PRKG1: variants seen among roughly 807,000 people sequenced by gnomAD.
The protein encoded by PRKG1 is protein kinase cGMP-dependent 1, also known as cGMP-dependent protein kinase 1.
Under a neutral mutation model 88.1 loss-of-function variants are expected in PRKG1, and 35 were observed. That is an observed-to-expected ratio of 0.40 (90% CI 0.30 to 0.53). The LOEUF (loss-of-function observed/expected upper bound fraction) is 0.53. Ranked by LOEUF, PRKG1 falls within the 20% of genes least tolerant of loss-of-function variation. The pLI, the probability that PRKG1 is intolerant of heterozygous loss-of-function variation, is 0.59. For synonymous variants in PRKG1, 303 were observed against 292.5 expected, an observed-to-expected ratio of 1.04 and a Z score of -0.37; for missense variants, 540 against 839.8, an observed-to-expected ratio of 0.64 and a Z score of 4.41.
intron 5 of PRKG1, among the ~76,000 whole-genome samples, chr10:52,004,200 T>A (rs1292093365): frequency 6.6e-6 from 1 of 152,214 alleles, no homozygotes; most frequent in Non-Finnish European, 1.5e-5. Flanking sequence ...TTTTTGGCTG[T>A]AAACTCCGGG....
intron 5 of PRKG1, among the ~76,000 whole-genome samples, chr10:51,935,855 C>T (rs915577143): frequency 4.6e-5 from 7 of 152,048 alleles, no homozygotes; most frequent in African/African-American, 1.7e-4. Flanking sequence ...CTAAACTTTC[C>T]TGAAGTTACT....
At chr10:52,148,481 A>C (rs1274179954) in intron 8 of PRKG1, among the ~76,000 whole-genome samples, 1 of 152,242 alleles carries the variant, frequency 6.6e-6, no homozygotes, top group African/African-American at 2.4e-5. Flanking sequence ...TATCTTAAAC[A>C]AGAAATATTT....
At position 51,120,935 on chromosome 10, in the gene PRKG1, A is replaced by G. The variant is rs1340549669; in HGVS notation, c.312-32229A>G. ...CTAATGAGGGTCTCACTAGGCTACAATTAAGATGTCAGTGGGGCTGTTGTT... is the reference window on the plus strand; with the variant it reads ...CTAATGAGGGTCTCACTAGGCTACAGTTAAGATGTCAGTGGGGCTGTTGTT... On this transcript the variant is annotated intron_variant, in intron 1 of 17. Coordinates refer to ENST00000373980, the MANE Select transcript of PRKG1 (RefSeq NM_006258.4). Among the ~76,000 whole-genome samples, 3 of 152,280 alleles carry G rather than the reference A, an allele frequency of 2.0e-5. No homozygotes were observed. The South Asian group carries it at 6.2e-4, about 32-fold the overall frequency.
chr10:52,146,486 G>T (rs566381223), intron 8 of PRKG1, among the ~76,000 whole-genome samples: 5 of 152,178 alleles, frequency 3.3e-5, no homozygotes, highest in Middle Eastern at 6.8e-3. Context: ...AACTTGCAAG[G>T]AATTCTTTTT....
At chr10:52,172,790 C>A (rs1165272898) in intron 9 of PRKG1, among the ~76,000 whole-genome samples, 1 of 152,098 alleles carries the variant, frequency 6.6e-6, no homozygotes, top group African/African-American at 2.4e-5. Context: ...CTGAAGGGCT[C>A]CCCCTGAGGA....
At chr10:51,807,953 GT>G (rs141410412) in intron 4 of PRKG1, among the ~76,000 whole-genome samples, 1 of 152,192 alleles carries the variant, frequency 6.6e-6, no homozygotes, top group African/African-American at 2.4e-5. Flanking sequence ...TCCCTTCAGG[GT>G]GTGTTTTTCT....
chr10:52,072,771 T>C (rs1245671588), intron 7 of PRKG1, among the ~76,000 whole-genome samples: 1 of 152,208 alleles, frequency 6.6e-6, no homozygotes, highest in Non-Finnish European at 1.5e-5. Flanking sequence ...ACCACCCTCA[T>C]GCCACTGTTC....
intron 5 of PRKG1, among the ~76,000 whole-genome samples, chr10:52,019,688 A>G (rs182518024): frequency 7.7e-4 from 117 of 152,314 alleles, no homozygotes; most frequent in Middle Eastern, 3.4e-3. Context: ...TATTTGGGAG[A>G]AAGAATAGGA....
intron 9 of PRKG1, among the ~76,000 whole-genome samples, chr10:52,179,197 G>A (rs1164449897): frequency 6.6e-6 from 1 of 151,696 alleles, no homozygotes; most frequent in African/African-American, 2.4e-5. Flanking sequence ...TTATAGTGTT[G>A]CATGTTTTCA....
chr10:52,268,777 G>C (rs1035094862), intron 10 of PRKG1, among the ~76,000 whole-genome samples: 9 of 151,972 alleles, frequency 5.9e-5, no homozygotes, highest in Admixed American at 2.6e-4. Context: ...AAATCAGTTT[G>C]TTCCTCTGAA....
At chr10:51,771,116 A>C (rs1838292971) in intron 3 of PRKG1, among the ~76,000 whole-genome samples, 1 of 152,232 alleles carries the variant, frequency 6.6e-6, no homozygotes. Flanking sequence ...AGTTTGGTGC[A>C]AAAGCAGTTG....
chr10:52,038,341 G>A (rs550339198), intron 5 of PRKG1, among the ~76,000 whole-genome samples: 1 of 151,960 alleles, frequency 6.6e-6, no homozygotes, highest in Admixed American at 6.6e-5. Flanking sequence ...AAGAGGTTGG[G>A]GCGCAGAGAT....
intron 1 of PRKG1, among the ~76,000 whole-genome samples, chr10:51,037,343 T>C (rs997102379): frequency 1.3e-4 from 19 of 151,980 alleles, no homozygotes; most frequent in African/African-American, 4.4e-4. Flanking sequence ...CTTGGGCATA[T>C]TGCAGTCCCA....
At chr10:52,052,631 A>G (rs1051697574) in intron 5 of PRKG1, among the ~76,000 whole-genome samples, 1 of 151,952 alleles carries the variant, frequency 6.6e-6, no homozygotes, top group Non-Finnish European at 1.5e-5. Context: ...GGCAAAAGGC[A>G]CTCTTACATG....
Position 52,271,467 on chromosome 10 carries a change from G to T in PRKG1, c.1291G>T (p.Ala431Ser), listed in dbSNP as rs1841728352. 1 of 1,612,460 alleles carries T rather than the reference G, an allele frequency of 6.2e-7. No homozygotes were observed. Among genetic ancestry groups the T allele is most frequent in the South Asian group, 1.1e-5 (1 of 91,000 alleles). Residue 431 changes from alanine to serine, a missense_variant, in exon 11 of 18, where the codon GCT becomes TCT. Ala to Ser is a moderately conservative substitution (Grantham distance 99). This residue lies in a region of PRKG1 where 400 missense variants were observed against 562.7 expected (regional missense o/e 0.71). Transcript: ENST00000373980. ...CTCAGAGAAGCAGATCATGCAGGGGGCTCATTCCGATTTCATAGTGAGGTA... is the reference window on the plus strand; with the variant it reads ...CTCAGAGAAGCAGATCATGCAGGGGTCTCATTCCGATTTCATAGTGAGGTA... Reference protein sequence around the residue: ...IRSEKQIMQGAHSDFIVRLYR... With the variant: ...IRSEKQIMQGSHSDFIVRLYR...
intron 9 of PRKG1, among the ~76,000 whole-genome samples, chr10:52,186,388 C>T (rs1439211115): frequency 6.6e-6 from 1 of 152,072 alleles, no homozygotes; most frequent in Non-Finnish European, 1.5e-5. Context: ...TGATTTGCCC[C>T]TATGATCCAA....
chr10:51,991,934 A>G (rs186371187), intron 5 of PRKG1, among the ~76,000 whole-genome samples: 1 of 152,314 alleles, frequency 6.6e-6, no homozygotes, highest in East Asian at 1.9e-4. Flanking sequence ...AAGAAACTGT[A>G]TGTGAGGAGT....
At chr10:52,182,647 C>G (rs369348957) in intron 9 of PRKG1, among the ~76,000 whole-genome samples, 2 of 143,890 alleles carry the variant, frequency 1.4e-5, no homozygotes, top group African/African-American at 2.7e-5. Flanking sequence ...TCAGCTTTCT[C>G]CATATGGCTA....
At chr10:52,275,191 T>A (rs1044073894) in intron 12 of PRKG1, among the ~76,000 whole-genome samples, 5 of 152,168 alleles carry the variant, frequency 3.3e-5, no homozygotes. Context: ...TTAAACTAGG[T>A]CCCAGCTATT....
Sources: gnomAD v4.1 joint callset for allele counts (sites outside exome capture counted in the v4.1 genomes callset) on GRCh38, gnomAD v4.1.1 for gene constraint, gnomAD v4.1.1 regional missense constraint, MANE v1.5 for transcripts, NCBI Gene and HGNC (gene_info 2026-07-23, HGNC 2026-07-21) for gene names.